Variants in LARGE1 observed in about 807,000 individuals in gnomAD.
LARGE1 encodes LARGE xylosyl- and glucuronyltransferase 1, also known as xylosyl- and glucuronyltransferase LARGE1.
In LARGE1, 43 loss-of-function variants were observed where a neutral mutation model predicts 87.6. That is an observed-to-expected ratio of 0.49 (90% confidence interval 0.38 to 0.63). LARGE1 has a LOEUF of 0.63. LARGE1 is among the 30% of genes least tolerant of loss of function. LARGE1 has a pLI of 0.00. For synonymous variants in LARGE1, 434 were observed against 394.6 expected, an observed-to-expected ratio of 1.10 and a Z score of -1.18; for missense variants, 802 against 1,000.2, an observed-to-expected ratio of 0.80 and a Z score of 2.67.
chr22:33,270,185 A>G (rs182565662), downstream of LARGE1, among the ~76,000 whole-genome samples: 122 of 152,322 alleles, frequency 8.0e-4, no homozygotes, highest in African/African-American at 2.7e-3. Flanking sequence ...AAATGAATGG[A>G]AACAAAGATC....
intron 1 of LARGE1, among the ~76,000 whole-genome samples, chr22:33,808,290 C>T (rs2086378467): frequency 6.6e-6 from 1 of 152,222 alleles, no homozygotes. Flanking sequence ...TATCTGCCAT[C>T]TGCATATTTT....
rs979823073 is a variant in LARGE1 at position 33,339,356 on chromosome 22, A to T, written c.1132-1555T>A. ...GCTGGAGCACAAGGGGCGGAAAGAT[A>T]TGGGGTCTTTCCGCACAAGGGGCGG... On this transcript the variant is annotated intron_variant, in intron 9 of 14. Transcript: ENST00000397394. Among the ~76,000 whole-genome samples, 6 of 151,702 alleles carry T rather than the reference A, an allele frequency of 4.0e-5. No homozygotes were observed. In the Middle Eastern group the frequency reaches 0.01, roughly 258 times the overall value.
At chr22:33,643,185 TAACA>T (rs1270896004) in intron 3 of LARGE1, among the ~76,000 whole-genome samples, 2 of 152,056 alleles carry the variant, frequency 1.3e-5, no homozygotes, top group African/African-American at 4.8e-5. Flanking sequence ...ACAGAAATCA[TAACA>T]AACAGTCTCT....
intron 1 of LARGE1, among the ~76,000 whole-genome samples, chr22:33,803,892 G>A (rs904219281): frequency 2.0e-5 from 3 of 152,188 alleles, no homozygotes; most frequent in Non-Finnish European, 4.4e-5. Context: ...AACAGTTTAA[G>A]CACAGTGACC....
Position 33,235,514 on chromosome 22 carries a change from G to C in LARGE1, c.1731-68682C>G, listed in dbSNP as rs373501625. Among the ~76,000 whole-genome samples the C allele has an allele frequency of 5.9e-5, 9 of 152,308 alleles. No individual in the cohort carries two copies. In the East Asian group the frequency reaches 1.5e-3, roughly 26 times the overall value. On this transcript the variant is annotated intron_variant, in intron 11 of 11. Transcript: ENST00000608642. ...GATCTCTCATGTAGTTGCAAATGTT[G>C]GCTGAGGCTGTAGTCACATGAAAGC...
the LARGE1 span, among the ~76,000 whole-genome samples, chr22:33,087,828 G>A: frequency 1.3e-5 from 2 of 152,090 alleles, no homozygotes; most frequent in Non-Finnish European, 2.9e-5. Flanking sequence ...CCAGCTACTC[G>A]GGAGGCTGAG....
rs922875395 is a variant in LARGE1 at position 33,903,119 on chromosome 22, C to T, written c.-83+16876G>A. ...TGCACTGCAGCCCAGGCAACAAGAG[C>T]GAAACTCCATCTCAAAAAATAAAAA... On this transcript the variant is annotated intron_variant, in intron 1 of 14. Transcript: ENST00000397394. 1.3e-4 allele frequency among the ~76,000 whole-genome samples: 20 copies of T among 152,156 alleles called. 2 individuals carry two copies. The highest frequency in any genetic ancestry group is 3.4e-3 in the Middle Eastern group (1 of 294).
At chr22:33,395,784 T>C (rs949445259) in intron 7 of LARGE1, among the ~76,000 whole-genome samples, 27 of 152,212 alleles carry the variant, frequency 1.8e-4, no homozygotes, top group African/African-American at 6.3e-4. Context: ...CAGTGTATGA[T>C]GTAGCATTCT....
At chr22:33,747,303 C>G (rs2084125314) in intron 2 of LARGE1, among the ~76,000 whole-genome samples, 1 of 152,030 alleles carries the variant, frequency 6.6e-6, no homozygotes. Context: ...CCTTCCTGAC[C>G]TCATCCACCA....
At chr22:33,309,955 T>A (rs543922858) in intron 11 of LARGE1, among the ~76,000 whole-genome samples, 1 of 152,318 alleles carries the variant, frequency 6.6e-6, no homozygotes, top group African/African-American at 2.4e-5. Flanking sequence ...TGATGTGACC[T>A]GATTTACATT....
chr22:33,445,407 C>T (rs1226723432), intron 6 of LARGE1, among the ~76,000 whole-genome samples: 1 of 151,970 alleles, frequency 6.6e-6, no homozygotes, highest in Non-Finnish European at 1.5e-5. Flanking sequence ...GGGAAGTTAG[C>T]CAAAAAGGTT....
chr22:33,519,266 A>C (rs1670991317), intron 6 of LARGE1, among the ~76,000 whole-genome samples: 1 of 150,116 alleles, frequency 6.7e-6, no homozygotes. Context: ...GTGGTCACAT[A>C]TGCCTCAGAG....
At chr22:33,801,163 C>T (rs2086149842) in intron 1 of LARGE1, among the ~76,000 whole-genome samples, 1 of 152,190 alleles carries the variant, frequency 6.6e-6, no homozygotes, top group Non-Finnish European at 1.5e-5. Flanking sequence ...TTTTGCCTCG[C>T]ACCATGATTC....
chr22:33,273,581 A>G lies in LARGE1; in HGVS notation c.*846T>C. Reference sequence around the variant, plus strand: ...TCGTAATTCCGCAGTCCCCATCGCTATAGCCCCTGGATTCTGGAGAGTAGG... The same window carrying G: ...TCGTAATTCCGCAGTCCCCATCGCTGTAGCCCCTGGATTCTGGAGAGTAGG... On this transcript the variant is annotated 3_prime_UTR_variant, in exon 15 of 15. Coordinates refer to ENST00000397394, the MANE Select transcript of LARGE1 (RefSeq NM_133642.5). The G allele has an allele frequency of 2.5e-6, 1 of 398,792 alleles. No homozygotes were observed. Among genetic ancestry groups the G allele is most frequent in the East Asian group, 3.6e-5 (1 of 28,080 alleles). 24.7% of individuals were successfully genotyped at this position (398,792 alleles called of 1,614,324 possible).
At chr22:33,092,500 T>C in the LARGE1 span, among the ~76,000 whole-genome samples, 1 of 152,180 alleles carries the variant, frequency 6.6e-6, no homozygotes, top group African/African-American at 2.4e-5. Context: ...ATGTGCAGGA[T>C]GTGCATGTTT....
At chr22:33,296,026 T>C (rs1358563093) in intron 12 of LARGE1, among the ~76,000 whole-genome samples, 1 of 152,246 alleles carries the variant, frequency 6.6e-6, no homozygotes, top group African/African-American at 2.4e-5. Flanking sequence ...CTTGACCATG[T>C]GCGAGGCTCT....
At chr22:33,532,747 G>C (rs958838996) in intron 6 of LARGE1, among the ~76,000 whole-genome samples, 1 of 152,228 alleles carries the variant, frequency 6.6e-6, no homozygotes, top group African/African-American at 2.4e-5. Context: ...ATGCAAGCAA[G>C]AATTCAGCCC....
intron 2 of LARGE1, among the ~76,000 whole-genome samples, chr22:33,699,834 G>T (rs1374286618): frequency 1.3e-5 from 2 of 152,122 alleles, no homozygotes; most frequent in Non-Finnish European, 2.9e-5. Flanking sequence ...CAGCATCTAA[G>T]GTTAGGTGAA....
chr22:33,761,277 T>C, intron 2 of LARGE1, 94 bp downstream of exon 2: 1 of 981,410 alleles, frequency 1.0e-6, no homozygotes, highest in Non-Finnish European at 1.7e-6. Flanking sequence ...TACATATTCC[T>C]ATTAGATGGC....
Sources: gnomAD v4.1 joint callset for allele counts (sites outside exome capture counted in the v4.1 genomes callset) on GRCh38, gnomAD v4.1.1 for gene constraint, MANE v1.5 for transcripts, NCBI Gene and HGNC (gene_info 2026-07-23, HGNC 2026-07-21) for gene names.